ASIC2: variants seen among roughly 807,000 people sequenced by gnomAD.
The protein encoded by ASIC2 is acid sensing ion channel subunit 2.
In ASIC2, 25 loss-of-function variants were observed where a neutral mutation model predicts 57.3. That is an observed-to-expected ratio of 0.44 (90% CI 0.32 to 0.61). ASIC2 has a LOEUF of 0.61. Ranked by LOEUF, ASIC2 falls within the 20% of genes least tolerant of loss-of-function variation. The probability of loss-of-function intolerance (pLI) is 0.06; values close to 1 mark genes in which losing one functional copy is unlikely to be tolerated. For synonymous variants in ASIC2, 319 were observed against 307.5 expected (o/e 1.04, Z -0.39); for missense variants, 641 against 738.1 (o/e 0.87, Z 1.52).
intron 1 of ASIC2, among the ~76,000 whole-genome samples, chr17:33,356,280 T>A (rs981957323): frequency 1.3e-5 from 2 of 152,138 alleles, no homozygotes; most frequent in East Asian, 3.8e-4. Context: ...CTATAAGGCA[T>A]GGATCATCAT....
chr17:33,424,823 T>C (rs1911163547), intron 1 of ASIC2, among the ~76,000 whole-genome samples: 1 of 152,136 alleles, frequency 6.6e-6, no homozygotes, highest in Admixed American at 6.5e-5. Context: ...GTTGGTGCCA[T>C]ACCTGACCCT....
At chr17:34,058,601 CCTT>C (rs1908856103) in intron 1 of ASIC2, among the ~76,000 whole-genome samples, 1 of 152,216 alleles carries the variant, frequency 6.6e-6, no homozygotes, top group Admixed American at 6.5e-5. Flanking sequence ...CTTGAAACCT[CCTT>C]CTCTTCTTTC....
At chr17:33,851,130 C>T (rs1307618211) in intron 1 of ASIC2, among the ~76,000 whole-genome samples, 1 of 152,188 alleles carries the variant, frequency 6.6e-6, no homozygotes, top group African/African-American at 2.4e-5. Flanking sequence ...TTTCAAAGTT[C>T]TCTTCCAGTT....
chr17:33,145,296 T>C (rs1479672606), intron 1 of ASIC2, among the ~76,000 whole-genome samples: 1 of 152,216 alleles, frequency 6.6e-6, no homozygotes, highest in Non-Finnish European at 1.5e-5. Context: ...CAGTTTCTTT[T>C]GGCATTCTTG....
intron 1 of ASIC2, among the ~76,000 whole-genome samples, chr17:33,306,497 T>C (rs1222131081): frequency 6.6e-6 from 1 of 152,214 alleles, no homozygotes; most frequent in Non-Finnish European, 1.5e-5. Context: ...GTCATGAATT[T>C]GAAGTCTCTT....
At chr17:33,836,165 T>C (rs1913269499) in intron 1 of ASIC2, among the ~76,000 whole-genome samples, 1 of 144,476 alleles carries the variant, frequency 6.9e-6, no homozygotes, top group South Asian at 2.3e-4. Context: ...TTACCCAGGC[T>C]GGAGTGCAGT....
intron 1 of ASIC2, among the ~76,000 whole-genome samples, chr17:33,176,024 C>T (rs887999289): frequency 2.6e-5 from 4 of 152,188 alleles, no homozygotes; most frequent in Admixed American, 6.5e-5. Flanking sequence ...CACAAAGATG[C>T]CATATTCTTA....
intron 3 of ASIC2, among the ~76,000 whole-genome samples, chr17:33,071,723 A>T (rs2092070140): frequency 6.6e-6 from 1 of 152,192 alleles, no homozygotes; most frequent in Non-Finnish European, 1.5e-5. Context: ...AGTTACTTAG[A>T]AAGAGTTTGA....
At chr17:33,073,875 G>A (rs566772819) in intron 3 of ASIC2, among the ~76,000 whole-genome samples, 48 of 152,350 alleles carry the variant, frequency 3.2e-4, no homozygotes, top group African/African-American at 1.1e-3. Context: ...GTGGAACCTT[G>A]TGTAAGCAGG....
intron 1 of ASIC2, among the ~76,000 whole-genome samples, chr17:33,797,853 C>T (rs1911966510): frequency 6.6e-6 from 1 of 152,166 alleles, no homozygotes; most frequent in Non-Finnish European, 1.5e-5. Context: ...TCAATCACAC[C>T]TGAGTGCTTC....
intron 1 of ASIC2, among the ~76,000 whole-genome samples, chr17:33,320,931 C>T (rs1018260642): frequency 2.0e-5 from 3 of 152,198 alleles, no homozygotes; most frequent in Non-Finnish European, 4.4e-5. Context: ...TTCGTTCTTA[C>T]TGTTGTATAG....
chr17:33,561,695 G>A (rs1916077798), intron 1 of ASIC2, among the ~76,000 whole-genome samples: 1 of 152,084 alleles, frequency 6.6e-6, no homozygotes, highest in Admixed American at 6.5e-5. Context: ...TGTGAGTTTG[G>A]ATGTGTGTAT....
At chr17:33,376,679 A>G (rs1441339140) in intron 1 of ASIC2, among the ~76,000 whole-genome samples, 1 of 152,166 alleles carries the variant, frequency 6.6e-6, no homozygotes, top group Non-Finnish European at 1.5e-5. Context: ...AGAATCCATG[A>G]TCTTGACCAT....
intron 1 of ASIC2, among the ~76,000 whole-genome samples, chr17:33,881,964 C>T (rs317357): frequency 0.27 from 40,394 of 152,088 alleles, 5,555 homozygotes; most frequent in Middle Eastern, 0.37. Context: ...CCCACATCTA[C>T]AACCATCTGA....
intron 1 of ASIC2, among the ~76,000 whole-genome samples, chr17:33,373,325 C>T (rs973063394): frequency 1.3e-5 from 2 of 152,270 alleles, no homozygotes; most frequent in South Asian, 4.1e-4. Flanking sequence ...CATCTTGCTT[C>T]TGACCTCTAA....
chr17:33,127,113 C>A (rs1440097850), intron 1 of ASIC2, among the ~76,000 whole-genome samples: 1 of 149,564 alleles, frequency 6.7e-6, no homozygotes, highest in Non-Finnish European at 1.5e-5. Flanking sequence ...TCATGATCCA[C>A]CCGCCTCGGC....
At chr17:33,947,809 G>C (rs28666862) in intron 1 of ASIC2, among the ~76,000 whole-genome samples, 9,620 of 152,132 alleles carry the variant, frequency 0.063, 379 homozygotes, top group East Asian at 0.14. Context: ...TTCTTTCTTT[G>C]TTTGGATGGG....
intron 1 of ASIC2, among the ~76,000 whole-genome samples, chr17:34,149,084 T>C (rs1328672677): frequency 6.6e-6 from 1 of 151,124 alleles, no homozygotes; most frequent in Non-Finnish European, 1.5e-5. Context: ...TTCTTTTCTT[T>C]CTTTTTTTCT....
intron 1 of ASIC2, among the ~76,000 whole-genome samples, chr17:33,149,355 T>G (rs2142027363): frequency 6.6e-6 from 1 of 152,380 alleles, no homozygotes; most frequent in South Asian, 2.1e-4. Context: ...ATGGGTATTT[T>G]CCTATGCCCC....
Sources: allele counts gnomAD v4.1 joint callset (sites outside exome capture counted in the v4.1 genomes callset), GRCh38; gene constraint gnomAD v4.1.1; transcripts MANE v1.5; gene names NCBI Gene and HGNC (gene_info 2026-07-23, HGNC 2026-07-21).